KIAA1549: variants seen among roughly 807,000 people sequenced by gnomAD.
The protein encoded by KIAA1549 is KIAA1549.
Under a neutral mutation model 156.4 loss-of-function variants are expected in KIAA1549, and 70 were observed. That is an observed-to-expected ratio of 0.45 (90% CI 0.37 to 0.55). The LOEUF (loss-of-function observed/expected upper bound fraction) is 0.55, where lower values mean the gene tolerates loss of function less well. Among genes scored for constraint, KIAA1549 ranks in the 20% least tolerant of loss-of-function variants. KIAA1549 has a pLI of 0.00. For synonymous variants in KIAA1549, 1,103 were observed against 1,066.4 expected (o/e 1.03, Z -0.67); for missense variants, 2,428 against 2,540.9 (o/e 0.96, Z 0.96).
chr7:138,961,979 A>G (rs1430928460), intron 1 of KIAA1549, among the ~76,000 whole-genome samples: 2 of 152,120 alleles, frequency 1.3e-5, no homozygotes, highest in Non-Finnish European at 2.9e-5. Context: ...CTAAACCTGT[A>G]GCCATCACTC....
rs78701692 is a variant in KIAA1549 at position 138,895,657 on chromosome 7, C to G, written c.3848-1131G>C. On this transcript the variant is annotated intron_variant, in intron 9 of 19. Transcript: ENST00000422774. ...ATGGTTACACAGCCTTGTGAACGTACTGAATGCCACTGAAGTATACATTTA... is the reference window on the plus strand; with the variant it reads ...ATGGTTACACAGCCTTGTGAACGTAGTGAATGCCACTGAAGTATACATTTA... Among the ~76,000 whole-genome samples the G allele has an allele frequency of 9.0e-3, 1,372 of 151,994 alleles. 20 individuals carry two copies. The highest frequency in any genetic ancestry group is 0.031 in the African/African-American group (1,297 of 41,426).
chr7:138,943,011 A>G (rs781765209), intron 1 of KIAA1549, among the ~76,000 whole-genome samples: 1 of 152,204 alleles, frequency 6.6e-6, no homozygotes, highest in Non-Finnish European at 1.5e-5. Context: ...GCAACCTACT[A>G]AGGGCTGCCT....
chr7:138,948,997 G>A (rs535732614), intron 1 of KIAA1549, among the ~76,000 whole-genome samples: 5 of 152,188 alleles, frequency 3.3e-5, no homozygotes, highest in Non-Finnish European at 5.9e-5. Context: ...GAGCCACCGC[G>A]CCCGGCCAGG....
chr7:138,858,302 C>T (rs1478623469), intron 16 of KIAA1549, among the ~76,000 whole-genome samples: 3 of 151,952 alleles, frequency 2.0e-5, no homozygotes, highest in Non-Finnish European at 4.4e-5. Flanking sequence ...CACTGTGTTG[C>T]CCAGGTTGGT....
chr7:138,884,525 G>C (rs746695163), intron 10 of KIAA1549, among the ~76,000 whole-genome samples: 6 of 152,146 alleles, frequency 3.9e-5, no homozygotes, highest in Non-Finnish European at 8.8e-5. Flanking sequence ...ATTCTTTGTG[G>C]TAATAAGATA....
intron 12 of KIAA1549, among the ~76,000 whole-genome samples, 166 bp downstream of exon 12, chr7:138,879,372 C>T (rs1162840882): frequency 1.3e-5 from 2 of 152,128 alleles, no homozygotes; most frequent in Non-Finnish European, 2.9e-5. Context: ...GACACCAATA[C>T]CACGTTAGAT....
At position 138,869,780 on chromosome 7, in the gene KIAA1549, G is replaced by T; in HGVS notation, c.4552-19C>A. On this transcript the variant is annotated intron_variant, in intron 13 of 19. Coordinates refer to ENST00000422774, the MANE Select transcript of KIAA1549 (RefSeq NM_001164665.2). Reference sequence around the variant, plus strand: ...TCTGAATCTGAGGAAGGGTGAGGGAGAGAAAGACAGCCATAGAGGTCCCGG... The same window carrying T: ...TCTGAATCTGAGGAAGGGTGAGGGATAGAAAGACAGCCATAGAGGTCCCGG... 2 of 1,590,232 alleles carry T rather than the reference G, an allele frequency of 1.3e-6. No homozygotes were observed. The highest frequency in any genetic ancestry group is 2.2e-5 in the South Asian group (2 of 89,608).
intron 10 of KIAA1549, among the ~76,000 whole-genome samples, chr7:138,883,480 AT>A (rs1209278030): frequency 6.6e-6 from 1 of 151,384 alleles, no homozygotes. Flanking sequence ...GCCGGGGGTA[AT>A]TTTTTTGGTA....
At chr7:138,905,143 A>C in intron 6 of KIAA1549, 62 bp from the exon 7 acceptor site, 6 of 1,128,600 alleles carry the variant, frequency 5.3e-6, no homozygotes, top group Non-Finnish European at 7.9e-6. Context: ...CCATGTTTAC[A>C]ACAAAGTCCC....
At chr7:138,868,260 A>G in intron 14 of KIAA1549, 132 bp from the exon 15 acceptor site, 3 of 834,514 alleles carry the variant, frequency 3.6e-6, no homozygotes, top group Admixed American at 4.5e-5. Context: ...TATAAACGCC[A>G]TGTACGAGAC....
At chr7:138,914,845 T>C (rs747150702) in intron 2 of KIAA1549, among the ~76,000 whole-genome samples, 14 of 152,204 alleles carry the variant, frequency 9.2e-5, no homozygotes, top group Non-Finnish European at 1.8e-4. Context: ...CCAAATGTCA[T>C]TAAGTGTACA....
chr7:138,906,437 C>T (rs1001630264), intron 6 of KIAA1549, among the ~76,000 whole-genome samples: 3 of 152,112 alleles, frequency 2.0e-5, no homozygotes, highest in Non-Finnish European at 2.9e-5. Flanking sequence ...TATGAATGTG[C>T]GGAAGCAGGA....
Position 138,831,452 on chromosome 7 carries a change from A to C in KIAA1549, c.*6454T>G, listed in dbSNP as rs575818515. 1.4e-5 allele frequency: 3 copies of C among 208,054 alleles called. No homozygotes were observed. In the South Asian group the frequency reaches 5.7e-4, roughly 39 times the overall value. 12.9% of individuals were successfully genotyped at this position (208,054 alleles called of 1,614,324 possible). A position where few individuals can be genotyped will look rare whatever the true frequency, so the allele number is the denominator to read the frequency against. On this transcript the variant is annotated 3_prime_UTR_variant, in exon 20 of 20. Coordinates refer to ENST00000422774, the MANE Select transcript of KIAA1549 (RefSeq NM_001164665.2). ...TAGGAAAGCTGTATAAATTGTAAAC[A>C]TGGAAACCAAATACTTGCATAAATT...
intron 16 of KIAA1549, among the ~76,000 whole-genome samples, chr7:138,858,618 A>T (rs1389956688): frequency 6.6e-6 from 1 of 152,184 alleles, no homozygotes; most frequent in Non-Finnish European, 1.5e-5. Context: ...TTACTGAGGC[A>T]AAACTCTTCC....
chr7:138,979,042 T>G (rs150870213), intron 1 of KIAA1549, among the ~76,000 whole-genome samples: 183 of 152,328 alleles, frequency 1.2e-3, no homozygotes, highest in African/African-American at 4.2e-3. Flanking sequence ...TGTACTTCCT[T>G]CACTGCTCTG....
At chr7:138,875,927 C>T (rs562294949) in intron 12 of KIAA1549, among the ~76,000 whole-genome samples, 12 of 151,718 alleles carry the variant, frequency 7.9e-5, no homozygotes, top group Admixed American at 7.9e-4. Flanking sequence ...TCTTCAGTAG[C>T]TGGGACCACA....
rs189593274 is a variant in KIAA1549, at chr7:138,918,034, G to A, written c.1592C>T (p.Pro531Leu). ...GCCAGCAGTAGGATCAAGTGACGCC[G>A]GCACAGAGAGGCGGCCGTGGGCAGG... ...VPPAHGRLSVPASLDPTAGSL... is the reference protein window; with the variant it reads ...VPPAHGRLSVLASLDPTAGSL... The change falls in exon 2 of 20, where the codon CCG becomes CTG. Residue 531 changes from proline to leucine, a missense_variant. Physicochemically the swap from Pro to Leu is moderately conservative, Grantham distance 98. This residue lies in a region of KIAA1549 where 893 missense variants were observed against 847.9 expected (regional missense o/e 1.05). Coordinates refer to ENST00000422774, the MANE Select transcript of KIAA1549 (RefSeq NM_001164665.2). This position sits in a 1 kb window ranked among gnomAD's most constrained non-coding sequence, Gnocchi z 4.2. 168 of 1,610,060 alleles carry A rather than the reference G, an allele frequency of 1.0e-4. No individual in the cohort carries two copies. Among genetic ancestry groups the A allele is most frequent in the African/African-American group, 2.0e-4 (15 of 74,964 alleles).
chr7:138,904,960 A>G (rs1363278041), intron 7 of KIAA1549, 62 bp downstream of exon 7: 4 of 1,010,430 alleles, frequency 4.0e-6, no homozygotes, highest in Non-Finnish European at 6.0e-6. Flanking sequence ...CATCATTCTC[A>G]ATACGCCTGC....
intron 10 of KIAA1549, 124 bp downstream of exon 10, chr7:138,894,218 G>A: frequency 1.1e-6 from 1 of 936,346 alleles, no homozygotes. Flanking sequence ...CACTATTAAA[G>A]CCAGAAGATT....
Sources: gnomAD v4.1 joint callset for allele counts (sites outside exome capture counted in the v4.1 genomes callset) on GRCh38, gnomAD v4.1.1 for gene constraint, gnomAD v4.1.1 regional missense constraint, Gnocchi (gnomAD v3.1) non-coding constraint, MANE v1.5 for transcripts, NCBI Gene and HGNC (gene_info 2026-07-23, HGNC 2026-07-21) for gene names.